The following ZFPM2 variants were observed in gnomAD, a reference collection of about 807,000 sequenced individuals.
ZFPM2 encodes zinc finger protein ZFPM2.
A neutral mutation model predicts 98.6 loss-of-function variants in ZFPM2; 20 were observed. The ratio of observed to expected loss-of-function variants is 0.20; its 90% CI spans 0.14 to 0.29. The LOEUF (loss-of-function observed/expected upper bound fraction) is 0.29, where lower values mean the gene tolerates loss of function less well. Among genes scored for constraint, ZFPM2 ranks in the 10% least tolerant of loss-of-function variants. ZFPM2 has a pLI of 1.00. For missense variants in ZFPM2, 1,310 were observed against 1,388.6 expected, an observed-to-expected ratio of 0.94 and a Z score of 0.90; for synonymous variants, 518 against 502.7, an observed-to-expected ratio of 1.03 and a Z score of -0.41.
At chr8:105,478,492 G>T (rs935314644) in intron 3 of ZFPM2, among the ~76,000 whole-genome samples, 1 of 152,194 alleles carries the variant, frequency 6.6e-6, no homozygotes, top group Non-Finnish European at 1.5e-5. Flanking sequence ...GCCAGGGTTA[G>T]CTAAATTAAT....
At chr8:105,475,325 C>T (rs569862772) in intron 3 of ZFPM2, among the ~76,000 whole-genome samples, 5 of 152,274 alleles carry the variant, frequency 3.3e-5, no homozygotes, top group Admixed American at 6.5e-5. Flanking sequence ...TCTCAACCAA[C>T]GATTCATTTG....
At chr8:105,385,077 T>G (rs1169458418) in intron 1 of ZFPM2, among the ~76,000 whole-genome samples, 1 of 152,106 alleles carries the variant, frequency 6.6e-6, no homozygotes, top group Non-Finnish European at 1.5e-5. Context: ...AAAGCCAGGA[T>G]TCAAATCTAG....
At chr8:105,580,825 C>CTATATATA (rs774123584) in intron 4 of ZFPM2, among the ~76,000 whole-genome samples, 48 of 135,114 alleles carry the variant, frequency 3.6e-4, no homozygotes, top group Middle Eastern at 4.0e-3. Context: ...CTCTCTCTCT[C>CTATATATA]TCTATATATA....
At chr8:105,495,406 T>A (rs897545831) in intron 3 of ZFPM2, among the ~76,000 whole-genome samples, 19 of 152,136 alleles carry the variant, frequency 1.2e-4, no homozygotes, top group Non-Finnish European at 1.8e-4. Context: ...TTAAAAAAAA[T>A]TTTGCTCCCT....
intron 4 of ZFPM2, among the ~76,000 whole-genome samples, chr8:105,621,203 T>C (rs1191969670): frequency 6.6e-6 from 1 of 152,184 alleles, no homozygotes; most frequent in African/African-American, 2.4e-5. Flanking sequence ...TCTTATTTCA[T>C]TGAGCAGTGG....
At chr8:105,637,825 G>T (rs1816877123) in intron 5 of ZFPM2, among the ~76,000 whole-genome samples, 1 of 152,044 alleles carries the variant, frequency 6.6e-6, no homozygotes, top group Non-Finnish European at 1.5e-5. Flanking sequence ...AAGATGGAAG[G>T]GTTAACAAGT....
intron 3 of ZFPM2, among the ~76,000 whole-genome samples, chr8:105,541,813 T>C (rs1481569943): frequency 6.6e-6 from 1 of 152,176 alleles, no homozygotes; most frequent in African/African-American, 2.4e-5. Context: ...TTGTAATGAC[T>C]TTATCTGCTT....
chr8:105,540,900 T>C (rs1814562682), intron 3 of ZFPM2, among the ~76,000 whole-genome samples: 2 of 152,202 alleles, frequency 1.3e-5, no homozygotes, highest in African/African-American at 4.8e-5. Context: ...GTTATTTAAC[T>C]TGAGAAAATG....
At chr8:105,639,533 C>G (rs1816910059) in intron 5 of ZFPM2, among the ~76,000 whole-genome samples, 1 of 151,994 alleles carries the variant, frequency 6.6e-6, no homozygotes, top group Admixed American at 6.6e-5. Flanking sequence ...TTATAAAAAT[C>G]TATATTTCAT....
intron 3 of ZFPM2, among the ~76,000 whole-genome samples, chr8:105,446,487 A>G (rs182701319): frequency 7.1e-4 from 108 of 152,270 alleles, no homozygotes; most frequent in African/African-American, 2.4e-3. Flanking sequence ...TACCTTTTTC[A>G]GGAAGCTTTT....
At chr8:105,509,056 A>G (rs1813761288) in intron 3 of ZFPM2, among the ~76,000 whole-genome samples, 1 of 152,142 alleles carries the variant, frequency 6.6e-6, no homozygotes, top group African/African-American at 2.4e-5. Flanking sequence ...CGGGCCCACA[A>G]GATACTTTGA....
At chr8:105,470,791 AAG>A (rs1444218952) in intron 3 of ZFPM2, among the ~76,000 whole-genome samples, 1 of 152,038 alleles carries the variant, frequency 6.6e-6, no homozygotes, top group Non-Finnish European at 1.5e-5. Context: ...AAAAAATAGA[AAG>A]AGAAGGTTTT....
intron 5 of ZFPM2, among the ~76,000 whole-genome samples, chr8:105,688,400 A>T (rs1256920744): frequency 6.6e-6 from 1 of 152,150 alleles, no homozygotes; most frequent in African/African-American, 2.4e-5. Context: ...TAAATCAGGA[A>T]AATTATTGTA....
chr8:105,722,009 A>G (rs562374307), intron 5 of ZFPM2, among the ~76,000 whole-genome samples: 1 of 152,028 alleles, frequency 6.6e-6, no homozygotes, highest in Non-Finnish European at 1.5e-5. Context: ...CATCAGTTAT[A>G]AATTGGTAAT....
intron 2 of ZFPM2, among the ~76,000 whole-genome samples, chr8:105,427,976 G>A (rs950072360): frequency 2.6e-5 from 4 of 152,094 alleles, no homozygotes; most frequent in African/African-American, 4.8e-5. Flanking sequence ...TGTCCTACAC[G>A]GTAGATGCTG....
rs1811874388 is a variant in ZFPM2, at chr8:105,729,144, T to A, written c.533-59574T>A. On this transcript the variant is annotated intron_variant, in intron 5 of 7. Coordinates refer to ENST00000407775, the MANE Select transcript of ZFPM2 (RefSeq NM_012082.4). ...AATTATTTATATAAAATCACTATTT[T>A]TCGATATAGAAATGTTACATATTAT... 2.0e-5 allele frequency among the ~76,000 whole-genome samples: 3 copies of A among 151,782 alleles called. 1 individual carries two copies. The South Asian group carries it at 6.2e-4, about 31-fold the overall frequency.
Position 105,497,460 on chromosome 8 carries a change from A to G in ZFPM2, c.301+53079A>G, listed in dbSNP as rs1427014937. Among the ~76,000 whole-genome samples the G allele has an allele frequency of 2.0e-5, 3 of 152,224 alleles. No homozygotes were observed. The South Asian group carries it at 6.2e-4, about 31-fold the overall frequency. On this transcript the variant is annotated intron_variant, in intron 3 of 7. Coordinates refer to ENST00000407775, the MANE Select transcript of ZFPM2 (RefSeq NM_012082.4). ...AGTTAGCAAAGGCATTTTTTGGAAT[A>G]AAAATAAAATAATTAAGCCAAAGTT...
chr8:105,651,630 C>T (rs1382374212), intron 5 of ZFPM2, among the ~76,000 whole-genome samples: 4 of 152,080 alleles, frequency 2.6e-5, no homozygotes, highest in Non-Finnish European at 5.9e-5. Flanking sequence ...TTTACCCTGT[C>T]CCCATAAGAA....
intron 3 of ZFPM2, among the ~76,000 whole-genome samples, chr8:105,532,279 C>T (rs1814313981): frequency 6.6e-6 from 1 of 151,960 alleles, no homozygotes; most frequent in Non-Finnish European, 1.5e-5. Context: ...AAAGGAGTGC[C>T]TTATTTATAT....
Sources: allele counts gnomAD v4.1 joint callset (sites outside exome capture counted in the v4.1 genomes callset), GRCh38; gene constraint gnomAD v4.1.1; transcripts MANE v1.5; gene names NCBI Gene and HGNC (gene_info 2026-07-23, HGNC 2026-07-21).